RYR3: variants seen among roughly 807,000 people sequenced by gnomAD.
RYR3 encodes the protein ryanodine receptor 3.
A neutral mutation model predicts 584.3 loss-of-function variants in RYR3; 207 were observed. That is an observed-to-expected ratio of 0.35 (90% CI 0.32 to 0.40). The LOEUF is 0.40. Among genes scored for constraint, RYR3 ranks in the 10% least tolerant of loss-of-function variants. The pLI, the probability that RYR3 is intolerant of heterozygous loss-of-function variation, is 1.00. For synonymous variants in RYR3, 2,416 were observed against 2,248.5 expected, an observed-to-expected ratio of 1.07 and a Z score of -2.11; for missense variants, 5,616 against 6,089.2, an observed-to-expected ratio of 0.92 and a Z score of 2.59.
At chr15:33,792,948 A>G (rs74511749) in intron 67 of RYR3, among the ~76,000 whole-genome samples, 2 of 152,148 alleles carry the variant, frequency 1.3e-5, no homozygotes, top group Admixed American at 6.5e-5. Context: ...CCACAGGTCA[A>G]TGGCTCAGTT....
chr15:33,798,239 C>G (rs1221885474), intron 67 of RYR3, among the ~76,000 whole-genome samples: 1 of 152,090 alleles, frequency 6.6e-6, no homozygotes, highest in Non-Finnish European at 1.5e-5. Context: ...TAGGTGCCCA[C>G]CACCATGCAA....
At chr15:33,327,358 G>T (rs1227569038) in intron 1 of RYR3, among the ~76,000 whole-genome samples, 1 of 152,174 alleles carries the variant, frequency 6.6e-6, no homozygotes, top group Non-Finnish European at 1.5e-5. Flanking sequence ...GAATCCATGG[G>T]ACACAGGGGC....
At chr15:33,581,987 T>TA (rs1445747293) in intron 14 of RYR3, among the ~76,000 whole-genome samples, 1 of 152,240 alleles carries the variant, frequency 6.6e-6, no homozygotes, top group Non-Finnish European at 1.5e-5. Context: ...ATATCACCTG[T>TA]ACTTTAAGAA....
At chr15:33,826,197 C>T in intron 82 of RYR3, 55 bp from the exon 83 acceptor site, 1 of 1,554,376 alleles carries the variant, frequency 6.4e-7, no homozygotes, top group Non-Finnish European at 8.9e-7. Flanking sequence ...GACAGTTTAT[C>T]ATGATGTTTA....
At chr15:33,372,467 C>G (rs968320518) in intron 1 of RYR3, among the ~76,000 whole-genome samples, 1 of 151,110 alleles carries the variant, frequency 6.6e-6, no homozygotes, top group Admixed American at 6.6e-5. Flanking sequence ...TGGGTTCACA[C>G]CATTCTCCTC....
intron 18 of RYR3, among the ~76,000 whole-genome samples, chr15:33,606,372 C>G (rs1254587869): frequency 6.6e-6 from 1 of 152,208 alleles, no homozygotes; most frequent in Non-Finnish European, 1.5e-5. Flanking sequence ...GTACTTCACT[C>G]AAGACCATGA....
chr15:33,463,533 AATTG>A (rs1360999418), intron 1 of RYR3, among the ~76,000 whole-genome samples: 1 of 152,164 alleles, frequency 6.6e-6, no homozygotes, highest in Middle Eastern at 3.2e-3. Flanking sequence ...AACTTAAACA[AATTG>A]ATTATTATTT....
chr15:33,725,154 TACAC>T (rs58951939), intron 45 of RYR3, among the ~76,000 whole-genome samples: 13,868 of 113,618 alleles, frequency 0.12, 813 homozygotes, highest in Non-Finnish European at 0.15. Flanking sequence ...TCCAACACCT[TACAC>T]ACACACACAC....
chr15:33,825,895 G>A (rs999866368), intron 82 of RYR3: 1 of 513,482 alleles, frequency 1.9e-6, no homozygotes, highest in Non-Finnish European at 3.5e-6. Context: ...ACCACAGCCA[G>A]CTAATTTTTT....
intron 2 of RYR3, among the ~76,000 whole-genome samples, chr15:33,478,606 G>A (rs1052414793): frequency 3.9e-5 from 6 of 152,256 alleles, no homozygotes; most frequent in African/African-American, 1.2e-4. Flanking sequence ...GTAACCATGG[G>A]AACAAAACTG....
intron 2 of RYR3, among the ~76,000 whole-genome samples, chr15:33,478,833 A>C (rs2049679306): frequency 6.6e-6 from 1 of 152,200 alleles, no homozygotes; most frequent in South Asian, 2.1e-4. Context: ...TTTTTTGTTT[A>C]AAATAAGTTT....
chr15:33,656,285 G>A (rs559401720), intron 32 of RYR3, among the ~76,000 whole-genome samples: 19 of 152,218 alleles, frequency 1.2e-4, no homozygotes, highest in African/African-American at 4.1e-4. Context: ...GGCATACCAC[G>A]GCAGTGCTAA....
rs1971076280 is a variant in RYR3 at position 33,336,499 on chromosome 15, AAAG to A, written c.51+25407_51+25409del. On this transcript the variant is annotated intron_variant, in intron 1 of 103. Transcript: ENST00000634891. ...GAGAGAGAGAGAGAAAGAAAGAAAG[AAAG>A]AAGGAGGGAAGGAGGGAAGGAGGGA... Among the ~76,000 whole-genome samples the A allele has an allele frequency of 5.4e-5, 3 of 55,796 alleles. 1 individual carries two copies. The highest frequency in any genetic ancestry group is 1.6e-4 in the Admixed American group (1 of 6,128). The allele number at this position is 55,796 out of a possible 152,430, so 36.6% of individuals were successfully genotyped here. A position where few individuals can be genotyped will look rare whatever the true frequency, so the allele number is the denominator to read the frequency against.
chr15:33,587,995 T>C (rs1182702622), intron 16 of RYR3, among the ~76,000 whole-genome samples: 1 of 152,206 alleles, frequency 6.6e-6, no homozygotes, highest in Non-Finnish European at 1.5e-5. Flanking sequence ...ATCCACTTAG[T>C]TTTCGGTGAA....
chr15:33,518,580 G>T (rs901116408), intron 3 of RYR3, among the ~76,000 whole-genome samples: 1 of 152,162 alleles, frequency 6.6e-6, no homozygotes, highest in Non-Finnish European at 1.5e-5. Context: ...GTCAGCCCCA[G>T]TCGGTTATCC....
intron 66 of RYR3, among the ~76,000 whole-genome samples, 181 bp downstream of exon 66, chr15:33,786,163 C>G (rs1321735221): frequency 6.6e-6 from 1 of 152,208 alleles, no homozygotes; most frequent in Admixed American, 6.5e-5. Flanking sequence ...GAAGAGCTTC[C>G]TGGAGCCAAT....
chr15:33,311,649 C>T lies in RYR3; in HGVS notation c.51+553C>T, dbSNP rs543337750. Among the ~76,000 whole-genome samples, 12 of 152,306 alleles carry T rather than the reference C, an allele frequency of 7.9e-5. No individual in the cohort carries two copies. The highest frequency in any genetic ancestry group is 2.9e-4 in the African/African-American group (12 of 41,574). On this transcript the variant is annotated intron_variant, in intron 1 of 103. Coordinates refer to ENST00000634891, the MANE Select transcript of RYR3 (RefSeq NM_001036.6). This position sits in a 1 kb window ranked among gnomAD's most constrained non-coding sequence, Gnocchi z 4.4. ...TGGGATCGCTCGGAGGGGAATTCAC[C>T]CAGCGCTGCCCCTCTCGTGTTAAGC...
At chr15:33,696,137 A>T (rs758297428) in intron 38 of RYR3, 81 bp from the exon 39 acceptor site, 3 of 1,360,778 alleles carry the variant, frequency 2.2e-6, no homozygotes, top group African/African-American at 2.9e-5. Context: ...TGTGTCTTCT[A>T]TTTGCATGAA....
intron 2 of RYR3, among the ~76,000 whole-genome samples, chr15:33,485,582 A>C (rs189550824): frequency 4.6e-5 from 7 of 152,360 alleles, no homozygotes; most frequent in Non-Finnish European, 1.5e-5. Flanking sequence ...GAAAACGTCA[A>C]GGATGAGGGT....
Sources: allele counts gnomAD v4.1 joint callset (sites outside exome capture counted in the v4.1 genomes callset), GRCh38; gene constraint gnomAD v4.1.1; non-coding constraint Gnocchi (gnomAD v3.1); transcripts MANE v1.5; gene names NCBI Gene and HGNC (gene_info 2026-07-23, HGNC 2026-07-21).